NTM: variants seen among roughly 807,000 people sequenced by gnomAD.
NTM encodes IgLON family member 2.
In NTM, 13 loss-of-function variants were observed where a neutral mutation model predicts 42.1. The ratio of observed to expected loss-of-function variants is 0.31; its 90% confidence interval spans 0.20 to 0.49. The LOEUF (loss-of-function observed/expected upper bound fraction) is 0.49, where lower values mean the gene tolerates loss of function less well. NTM is among the 20% of genes least tolerant of loss of function. The pLI is 0.99. For synonymous variants in NTM, 187 were observed against 179.2 expected, an observed-to-expected ratio of 1.04 and a Z score of -0.35; for missense variants, 373 against 452.8, an observed-to-expected ratio of 0.82 and a Z score of 1.60.
At chr11:131,533,652 C>T (rs958199959) in intron 1 of NTM, among the ~76,000 whole-genome samples, 2 of 152,110 alleles carry the variant, frequency 1.3e-5, no homozygotes, top group Admixed American at 6.5e-5. Context: ...GGGCAGGAGT[C>T]GTGGCTACAG....
chr11:131,605,104 G>A (rs1336492292), intron 1 of NTM, among the ~76,000 whole-genome samples: 5 of 148,946 alleles, frequency 3.4e-5, no homozygotes, highest in Admixed American at 6.7e-5. Flanking sequence ...AAAAAAAAAA[G>A]CCACATTGAG....
intron 1 of NTM, among the ~76,000 whole-genome samples, chr11:131,641,459 C>G (rs533200852): frequency 6.6e-6 from 1 of 152,182 alleles, no homozygotes; most frequent in Admixed American, 6.5e-5. Context: ...AGAGCTGCGA[C>G]CTACCTCTAC....
At chr11:131,968,952 G>T (rs2063190163) in intron 2 of NTM, among the ~76,000 whole-genome samples, 1 of 152,196 alleles carries the variant, frequency 6.6e-6, no homozygotes, top group Non-Finnish European at 1.5e-5. Flanking sequence ...CAGTAGGCAA[G>T]GGGATGCTAC....
intron 1 of NTM, among the ~76,000 whole-genome samples, chr11:131,681,353 A>G (rs1367771812): frequency 7.1e-4 from 4 of 5,620 alleles, no homozygotes; most frequent in Non-Finnish European, 9.3e-4. Context: ...GTCTGTGTGT[A>G]TGTCTCCCTG....
intron 1 of NTM, among the ~76,000 whole-genome samples, chr11:131,406,260 G>A (rs568262468): frequency 6.6e-6 from 1 of 152,290 alleles, no homozygotes; most frequent in African/African-American, 2.4e-5. Context: ...ATATATGAAT[G>A]TAAGAGCATC....
At chr11:132,317,241 G>A (rs963347621) in intron 7 of NTM, among the ~76,000 whole-genome samples, 1 of 152,170 alleles carries the variant, frequency 6.6e-6, no homozygotes, top group Non-Finnish European at 1.5e-5. Flanking sequence ...CGTTCCTACC[G>A]TGGTGCCAGG....
At chr11:131,978,231 A>G (rs370945809) in intron 2 of NTM, among the ~76,000 whole-genome samples, 47 of 152,364 alleles carry the variant, frequency 3.1e-4, no homozygotes, top group African/African-American at 1.1e-3. Context: ...AGCATTGGCT[A>G]GAAAGCCTGG....
At chr11:132,036,766 C>A (rs2076559149) in intron 2 of NTM, among the ~76,000 whole-genome samples, 1 of 152,144 alleles carries the variant, frequency 6.6e-6, no homozygotes, top group Non-Finnish European at 1.5e-5. Context: ...CCTTTCTTAA[C>A]TCCTTGTTTT....
chr11:131,986,221 G>A (rs1260374667), intron 2 of NTM, among the ~76,000 whole-genome samples: 1 of 152,202 alleles, frequency 6.6e-6, no homozygotes, highest in South Asian at 2.1e-4. Flanking sequence ...GGCCGCTAAA[G>A]ATGCAGCCCC....
Position 131,714,180 on chromosome 11 carries a change from A to AT in NTM, c.83-197379dup, listed in dbSNP as rs576754301. On this transcript the variant is annotated intron_variant, in intron 1 of 8. Coordinates refer to ENST00000683400, the MANE Select transcript of NTM (RefSeq NM_001352005.2). The stretch of plus-strand genomic sequence containing the variant: ...GGAAGCTGCTGATCACCAGCTTCAG[A>AT]TTTTTATTTATTTATTTATTTATTT... Among the ~76,000 whole-genome samples, 358 of 151,444 alleles carry AT rather than the reference A, an allele frequency of 2.4e-3. 2 individuals are homozygous for AT. Among genetic ancestry groups the AT allele is most frequent in the African/African-American group, 8.5e-3 (349 of 40,982 alleles).
At chr11:131,972,391 T>C (rs1286133628) in intron 2 of NTM, among the ~76,000 whole-genome samples, 1 of 150,488 alleles carries the variant, frequency 6.6e-6, no homozygotes, top group Non-Finnish European at 1.5e-5. Flanking sequence ...AGAAAACAAA[T>C]AATAATTTCT....
At chr11:131,584,284 G>A (rs1169927813) in intron 1 of NTM, among the ~76,000 whole-genome samples, 1 of 152,194 alleles carries the variant, frequency 6.6e-6, no homozygotes, top group African/African-American at 2.4e-5. Context: ...ATCAGCATCC[G>A]ACTTTTATGG....
rs1228172899 is a variant in NTM at position 131,546,166 on chromosome 11, G to A, written c.82+175278G>A. Among the ~76,000 whole-genome samples, 4 of 152,076 alleles carry A rather than the reference G, an allele frequency of 2.6e-5. No individual in the cohort carries two copies. In the East Asian group the frequency reaches 5.8e-4, roughly 22 times the overall value. Reference sequence around the variant, plus strand: ...AGAGAGATAGGAAAGGTTTGAAGCGGGGCAATTGCATGCTTCAAGTTTTGT... The same window carrying A: ...AGAGAGATAGGAAAGGTTTGAAGCGAGGCAATTGCATGCTTCAAGTTTTGT... On this transcript the variant is annotated intron_variant, in intron 1 of 8. Transcript: ENST00000683400.
intron 1 of NTM, among the ~76,000 whole-genome samples, chr11:131,732,595 G>A (rs1031214073): frequency 1.3e-5 from 2 of 152,162 alleles, no homozygotes; most frequent in African/African-American, 4.8e-5. Context: ...TGATTTCCAC[G>A]GGTGTTTCAT....
chr11:131,721,558 T>C (rs1199667599), intron 1 of NTM, among the ~76,000 whole-genome samples: 1 of 152,080 alleles, frequency 6.6e-6, no homozygotes, highest in Non-Finnish European at 1.5e-5. Context: ...GAGTCAAATA[T>C]GAGTAGATTT....
At chr11:131,725,343 A>C (rs2078833067) in intron 1 of NTM, among the ~76,000 whole-genome samples, 1 of 152,194 alleles carries the variant, frequency 6.6e-6, no homozygotes. Flanking sequence ...GGCAATATAC[A>C]ATTTGAGGAA....
intron 1 of NTM, among the ~76,000 whole-genome samples, chr11:131,716,038 C>A (rs1730010357): frequency 6.6e-6 from 1 of 152,212 alleles, no homozygotes; most frequent in South Asian, 2.1e-4. Context: ...AGCTTGTAAA[C>A]AACAGAAGTT....
At chr11:131,913,057 G>T (rs1018934674) in intron 2 of NTM, among the ~76,000 whole-genome samples, 2 of 152,120 alleles carry the variant, frequency 1.3e-5, no homozygotes, top group African/African-American at 4.8e-5. Flanking sequence ...CCACTCTTCT[G>T]AGCAAAAATA....
chr11:131,891,548 A>G (rs1592616245), intron 1 of NTM, among the ~76,000 whole-genome samples: 1 of 152,138 alleles, frequency 6.6e-6, no homozygotes, highest in East Asian at 1.9e-4. Flanking sequence ...TAGCCATGAC[A>G]TCCTGAGCAA....
Sources: allele counts gnomAD v4.1 joint callset (sites outside exome capture counted in the v4.1 genomes callset), GRCh38; gene constraint gnomAD v4.1.1; transcripts MANE v1.5; gene names NCBI Gene and HGNC (gene_info 2026-07-23, HGNC 2026-07-21).